TRPM1: variants seen among roughly 807,000 people sequenced by gnomAD.
TRPM1 encodes transient receptor potential cation channel subfamily M member 1, also known as TRPM1-203 APA Isoform, Intron 10.
Under a neutral mutation model 149.4 loss-of-function variants are expected in TRPM1, and 113 were observed. The ratio of observed to expected loss-of-function variants is 0.76; its 90% CI spans 0.65 to 0.88. The LOEUF is 0.88. Among genes scored for constraint, TRPM1 ranks in the 40% least tolerant of loss-of-function variants. TRPM1 has a pLI of 0.00. For missense variants in TRPM1, 1,976 were observed against 2,038.7 expected, an observed-to-expected ratio of 0.97 and a Z score of 0.59; for synonymous variants, 741 against 759.5, an observed-to-expected ratio of 0.98 and a Z score of 0.40.
intron 9 of TRPM1, among the ~76,000 whole-genome samples, chr15:31,061,974 C>T (rs2034246209): frequency 1.3e-5 from 2 of 152,256 alleles, no homozygotes; most frequent in South Asian, 2.1e-4. Context: ...AGGTGTGAGC[C>T]ACTGTGCCCG....
At chr15:31,123,954 G>T (rs952361065) in intron 1 of TRPM1, among the ~76,000 whole-genome samples, 1 of 152,100 alleles carries the variant, frequency 6.6e-6, no homozygotes, top group African/African-American at 2.4e-5. Flanking sequence ...TCCTTCAATG[G>T]GTACATGCAG....
intron 3 of TRPM1, among the ~76,000 whole-genome samples, chr15:31,075,708 GTCTC>G (rs931380470): frequency 1.3e-5 from 2 of 152,190 alleles, no homozygotes; most frequent in African/African-American, 4.8e-5. Flanking sequence ...CTGGAGTAGA[GTCTC>G]TATCTTGCTG....
intron 4 of TRPM1, among the ~76,000 whole-genome samples, chr15:31,068,685 A>G (rs1340545050): frequency 7.0e-6 from 1 of 142,776 alleles, no homozygotes; most frequent in Non-Finnish European, 1.5e-5. Flanking sequence ...CGGAGGTTGC[A>G]GTGAGCCAAG....
intron 20 of TRPM1, 57 bp downstream of exon 20, chr15:31,037,654 A>C: frequency 6.2e-7 from 1 of 1,613,098 alleles, no homozygotes; most frequent in Non-Finnish European, 8.5e-7. Flanking sequence ...TCTTGATTCC[A>C]ACATATCAAA....
At chr15:31,012,032 A>T (rs2032204494) in intron 27 of TRPM1, among the ~76,000 whole-genome samples, 1 of 152,126 alleles carries the variant, frequency 6.6e-6, no homozygotes, top group South Asian at 2.1e-4. Flanking sequence ...CCCCCATGTT[A>T]TTCTGTTATT....
intron 1 of TRPM1, among the ~76,000 whole-genome samples, chr15:31,088,690 T>G (rs1239855647): frequency 6.6e-6 from 1 of 152,030 alleles, no homozygotes; most frequent in Non-Finnish European, 1.5e-5. Context: ...CTAAGCCTTT[T>G]TGGGATTTGG....
chr15:31,003,707 T>G (rs948981093), intron 27 of TRPM1, among the ~76,000 whole-genome samples: 2 of 152,242 alleles, frequency 1.3e-5, no homozygotes, highest in African/African-American at 4.8e-5. Flanking sequence ...AAGTTCAGAT[T>G]ATCAGATAGT....
intron 1 of TRPM1, among the ~76,000 whole-genome samples, chr15:31,109,346 A>G (rs2035652049): frequency 6.8e-6 from 1 of 147,496 alleles, no homozygotes. Context: ...AAAAAAAAAA[A>G]AAAAAAAAAA....
chr15:31,060,742 C>CT, intron 10 of TRPM1, 98 bp from the exon 11 acceptor site: 1 of 943,716 alleles, frequency 1.1e-6, no homozygotes, highest in East Asian at 2.6e-5. Context: ...CCTTGGGCTG[C>CT]TGGCCTAGAA....
At chr15:31,085,686 T>C (rs560172981) in intron 1 of TRPM1, among the ~76,000 whole-genome samples, 1 of 152,316 alleles carries the variant, frequency 6.6e-6, no homozygotes, top group East Asian at 1.9e-4. Context: ...GGGTTGCTGA[T>C]TTTTTGTGCA....
intron 1 of TRPM1, among the ~76,000 whole-genome samples, chr15:31,118,219 C>T (rs1035189160): frequency 2.0e-5 from 3 of 152,138 alleles, no homozygotes; most frequent in Non-Finnish European, 4.4e-5. Flanking sequence ...GATTGCACCA[C>T]TGCACTCCAG....
intron 27 of TRPM1, among the ~76,000 whole-genome samples, chr15:31,025,529 C>T (rs952839657): frequency 6.6e-6 from 1 of 152,168 alleles, no homozygotes; most frequent in Non-Finnish European, 1.5e-5. Flanking sequence ...AGCATCACCG[C>T]GGAGATTAGG....
rs1374261477 is a variant in TRPM1, at chr15:31,073,362, A to G, written c.84-3136T>C. Among the ~76,000 whole-genome samples the G allele has an allele frequency of 2.0e-5, 3 of 152,070 alleles. 1 individual carries two copies. The highest frequency in any genetic ancestry group is 4.4e-5 in the Non-Finnish European group (3 of 67,986). ...ACTGTCAATTCTGTTCCATTTGTCT[A>G]TATGTCTATCCTATGCCAGTATCGT... On this transcript the variant is annotated intron_variant, in intron 3 of 27. Coordinates refer to ENST00000256552, the MANE Select transcript of TRPM1 (RefSeq NM_001252024.2).
intron 2 of TRPM1, among the ~76,000 whole-genome samples, chr15:31,080,543 A>G (rs986460168): frequency 6.6e-6 from 1 of 152,116 alleles, no homozygotes; most frequent in Non-Finnish European, 1.5e-5. Flanking sequence ...AGGCCACGAA[A>G]AGACAAGGAA....
chr15:31,063,399 G>A, intron 7 of TRPM1, 107 bp from the exon 8 acceptor site: 2 of 1,401,930 alleles, frequency 1.4e-6, no homozygotes, highest in Non-Finnish European at 2.0e-6. Context: ...CGACTTGGGG[G>A]ATGTTCTATC....
intron 1 of TRPM1, among the ~76,000 whole-genome samples, chr15:31,140,891 A>G (rs1257112067): frequency 1.3e-5 from 2 of 151,832 alleles, no homozygotes; most frequent in Non-Finnish European, 2.9e-5. Flanking sequence ...GTGCCATCTC[A>G]GCTCACTGCA....
chr15:31,032,859 C>A lies in TRPM1; in HGVS notation c.2782G>T (p.Ala928Ser). 9 of 1,614,216 alleles carry A rather than the reference C, an allele frequency of 5.6e-6. No individual in the cohort carries two copies. Among genetic ancestry groups the A allele is most frequent in the Non-Finnish European group, 7.6e-6 (9 of 1,180,038 alleles). Reference protein sequence around the residue: ...QEYWNITDLVAISTFMIGAIL... With the variant: ...QEYWNITDLVSISTFMIGAIL... ...GCTCCAATCATGAATGTGGAAATGG[C>A]CACGAGATCTGTGATGTTCCAGTAC... Residue 928 changes from alanine (A) to serine (S), a missense_variant, in exon 22 of 28, where the codon GCC (alanine) becomes TCC (serine). Ala to Ser is a moderately conservative substitution (Grantham distance 99, BLOSUM62 1). Transcript: ENST00000256552.
chr15:31,089,159 C>T (rs542086350), intron 1 of TRPM1, among the ~76,000 whole-genome samples: 11 of 152,170 alleles, frequency 7.2e-5, no homozygotes, highest in South Asian at 4.1e-4. Flanking sequence ...TGCTGTTTGC[C>T]TTCTGGTGTT....
chr15:31,090,501 G>A (rs749205514), intron 1 of TRPM1, among the ~76,000 whole-genome samples: 4 of 152,074 alleles, frequency 2.6e-5, no homozygotes, highest in African/African-American at 9.7e-5. Flanking sequence ...GCCAGGTGTG[G>A]TGGTGGGCAC....
Sources: gnomAD v4.1 joint callset for allele counts (sites outside exome capture counted in the v4.1 genomes callset) on GRCh38, gnomAD v4.1.1 for gene constraint, MANE v1.5 for transcripts, NCBI Gene and HGNC (gene_info 2026-07-23, HGNC 2026-07-21) for gene names.